Variants in ABCB1 observed in about 807,000 individuals in gnomAD.
ABCB1 encodes the protein ATP-dependent translocase ABCB1.
In ABCB1, 69 loss-of-function variants were observed where a neutral mutation model predicts 142.0. That is an observed-to-expected ratio of 0.49 (90% CI 0.40 to 0.59). The LOEUF is 0.59. ABCB1 is among the 20% of genes least tolerant of loss of function. ABCB1 has a pLI of 0.00. For missense variants in ABCB1, 1,326 were observed against 1,554.7 expected, an observed-to-expected ratio of 0.85 and a Z score of 2.47; for synonymous variants, 532 against 539.2, an observed-to-expected ratio of 0.99 and a Z score of 0.18.
At chr7:87,638,345 T>G (rs371456562) in intron 1 of ABCB1, among the ~76,000 whole-genome samples, 1 of 144,696 alleles carries the variant, frequency 6.9e-6, no homozygotes, top group Non-Finnish European at 1.5e-5. Context: ...AAGTATGTGT[T>G]TGTGTGTGTG....
At chr7:87,614,808 T>G (rs1415618290) in intron 1 of ABCB1, among the ~76,000 whole-genome samples, 1 of 152,084 alleles carries the variant, frequency 6.6e-6, no homozygotes, top group Non-Finnish European at 1.5e-5. Flanking sequence ...TTATTCTTTT[T>G]GTTTGTTTGT....
intron 1 of ABCB1, among the ~76,000 whole-genome samples, chr7:87,631,793 A>G (rs1821252307): frequency 6.6e-6 from 1 of 152,196 alleles, no homozygotes; most frequent in African/African-American, 2.4e-5. Flanking sequence ...TGACTTTATC[A>G]TTAACTAGTG....
Position 87,689,545 on chromosome 7 carries a change from C to A in ABCB1, c.-331+23616G>T, listed in dbSNP as rs548213715. Reference sequence around the variant, plus strand: ...TACTTTAGCTAATATTGCTAAATTACTAATTAGCTAATTATTAATTAGCTA... The same window carrying A: ...TACTTTAGCTAATATTGCTAAATTAATAATTAGCTAATTATTAATTAGCTA... On this transcript the variant is annotated intron_variant, in intron 1 of 28. Coordinates refer to the ABCB1 transcript ENST00000265724. Among the ~76,000 whole-genome samples the A allele has an allele frequency of 3.9e-5, 6 of 152,198 alleles. No homozygotes were observed. In the South Asian group the frequency reaches 1.2e-3, roughly 32 times the overall value.
At chr7:87,549,770 G>T in intron 13 of ABCB1, 81 bp downstream of exon 13, 2 of 1,495,778 alleles carry the variant, frequency 1.3e-6, no homozygotes, top group South Asian at 1.1e-5. Flanking sequence ...CCGATTTATA[G>T]TAGTTTCCTA....
upstream of ABCB1, among the ~76,000 whole-genome samples, chr7:87,602,680 A>G (rs567224904): frequency 5.9e-5 from 9 of 152,336 alleles, no homozygotes; most frequent in East Asian, 1.7e-3. Flanking sequence ...GCATCAGGTA[A>G]AGATCTCTAT....
intron 4 of ABCB1, among the ~76,000 whole-genome samples, chr7:87,584,568 A>G (rs1818651688): frequency 6.6e-6 from 1 of 152,136 alleles, no homozygotes; most frequent in African/African-American, 2.4e-5. Flanking sequence ...GAGAGAGGAA[A>G]GAATATGTAT....
At chr7:87,695,252 A>G (rs1384950646) in intron 1 of ABCB1, among the ~76,000 whole-genome samples, 1 of 152,132 alleles carries the variant, frequency 6.6e-6, no homozygotes, top group East Asian at 1.9e-4. Flanking sequence ...TCAAAGCTGG[A>G]TGGTCTAATA....
chr7:87,575,049 C>A (rs954345495), intron 4 of ABCB1, among the ~76,000 whole-genome samples: 3 of 152,136 alleles, frequency 2.0e-5, no homozygotes, highest in Admixed American at 6.5e-5. Context: ...ATACAAGTGT[C>A]TCACATATTT....
In ABCB1 at chr7:87,702,696, T is replaced by G. The variant is rs114680828; in HGVS notation, c.-331+10465A>C. Among the ~76,000 whole-genome samples the G allele has an allele frequency of 4.8e-3, 736 of 152,284 alleles. 3 individuals carry two copies. The highest frequency in any genetic ancestry group is 0.017 in the African/African-American group (696 of 41,564). On this transcript the variant is annotated intron_variant, in intron 1 of 28. Transcript: ENST00000265724. The stretch of plus-strand genomic sequence containing the variant: ...GGGTCCTCAGTAATTTTTAGGATTA[T>G]AAAATGTCTGAACTATTAAGTCAAA...
intron 1 of ABCB1, among the ~76,000 whole-genome samples, chr7:87,615,191 C>T (rs1229933405): frequency 6.6e-6 from 1 of 152,160 alleles, no homozygotes; most frequent in Non-Finnish European, 1.5e-5. Context: ...ACTATACATT[C>T]ACAAAGGAAG....
chr7:87,690,878 T>G (rs1183778820), intron 1 of ABCB1, among the ~76,000 whole-genome samples: 1 of 152,126 alleles, frequency 6.6e-6, no homozygotes, highest in Non-Finnish European at 1.5e-5. Context: ...TATTCCATCT[T>G]GGTACATTTA....
intron 23 of ABCB1, among the ~76,000 whole-genome samples, chr7:87,517,320 C>A (rs530841464): frequency 6.6e-6 from 1 of 152,026 alleles, no homozygotes; most frequent in Non-Finnish European, 1.5e-5. Context: ...ACTCAGGGGG[C>A]CTTATATGCT....
intron 8 of ABCB1, among the ~76,000 whole-genome samples, chr7:87,558,117 C>G (rs566324471): frequency 2.0e-5 from 3 of 152,156 alleles, no homozygotes; most frequent in African/African-American, 4.8e-5. Context: ...TTCACACTAC[C>G]AGTGTTGTCC....
intron 14 of ABCB1, among the ~76,000 whole-genome samples, chr7:87,547,806 G>T (rs1426235839): frequency 7.6e-6 from 1 of 131,262 alleles, no homozygotes; most frequent in Non-Finnish European, 1.5e-5. Flanking sequence ...AGCCAAGATT[G>T]TCCCACTGCA....
In ABCB1 at chr7:87,567,913, T is replaced by C. The variant is rs536567240; in HGVS notation, c.339-937A>G. The stretch of plus-strand genomic sequence containing the variant: ...TTGGAGACCACCCTGGCCAATATGA[T>C]GAAACCCTGTCTCTACAAAAAATAC... On this transcript the variant is annotated intron_variant, in intron 5 of 27. Coordinates refer to ENST00000622132, the MANE Select transcript of ABCB1 (RefSeq NM_001348946.2). 1.9e-4 allele frequency among the ~76,000 whole-genome samples: 29 copies of C among 151,942 alleles called. No homozygotes were observed. The South Asian group carries it at 5.8e-3, about 30-fold the overall frequency.
At chr7:87,576,719 GT>G (rs1383793223) in intron 4 of ABCB1, among the ~76,000 whole-genome samples, 1 of 150,746 alleles carries the variant, frequency 6.6e-6, no homozygotes, top group Non-Finnish European at 1.5e-5. Flanking sequence ...GATAGTCCTG[GT>G]TTTTTTAGTT....
Position 87,504,206 on chromosome 7 carries a change from A to C in ABCB1, c.*37T>G. ...TTGAATAAATGTCATATCTAAACAA[A>C]TATTAAAAAGTATTTAACATCTCAT... On this transcript the variant is annotated 3_prime_UTR_variant, in exon 28 of 28. Coordinates refer to ENST00000622132, the MANE Select transcript of ABCB1 (RefSeq NM_001348946.2). 1 of 1,611,982 alleles carries C rather than the reference A, an allele frequency of 6.2e-7. No individual in the cohort carries two copies. The highest frequency in any genetic ancestry group is 8.5e-7 in the Non-Finnish European group (1 of 1,178,312).
Position 87,546,084 on chromosome 7 carries a change from A to G in ABCB1, c.1726-60T>C, listed in dbSNP as rs540651581. 7 of 1,542,860 alleles carry G rather than the reference A, an allele frequency of 4.5e-6. No homozygotes were observed. In the Admixed American group the frequency reaches 1.0e-4, roughly 22 times the overall value. ...AACAATTACCTGAAGAAACTTAACC[A>G]TTCAACATATATTTACTGAACCAAT... On this transcript the variant is annotated intron_variant, in intron 14 of 27. Coordinates refer to ENST00000622132, the MANE Select transcript of ABCB1 (RefSeq NM_001348946.2).
chr7:87,559,920 A>G (rs1412840538), intron 8 of ABCB1, among the ~76,000 whole-genome samples: 1 of 152,186 alleles, frequency 6.6e-6, no homozygotes. Flanking sequence ...CTCTGAGGAA[A>G]ACTGGAAAAG....
Sources: allele counts gnomAD v4.1 joint callset (sites outside exome capture counted in the v4.1 genomes callset), GRCh38; gene constraint gnomAD v4.1.1; transcripts MANE v1.5; gene names NCBI Gene and HGNC (gene_info 2026-07-23, HGNC 2026-07-21).